The following GALNT13 variants were observed in gnomAD, a reference collection of about 807,000 sequenced individuals.
GALNT13 encodes the protein UDP-GalNAc:polypeptide N-acetylgalactosaminyltransferase 13.
A neutral mutation model predicts 64.2 loss-of-function variants in GALNT13; 28 were observed. The observed-to-expected ratio is 0.44, with a 90% CI of 0.32 to 0.60. The LOEUF is 0.60. Ranked by LOEUF, GALNT13 falls within the 20% of genes least tolerant of loss-of-function variation. GALNT13 has a pLI of 0.05. For missense variants in GALNT13, 577 were observed against 669.8 expected (o/e 0.86, Z 1.53); for synonymous variants, 214 against 224.6 (o/e 0.95, Z 0.42).
At chr2:154,128,363 A>C (rs1199185112) in intron 3 of GALNT13, among the ~76,000 whole-genome samples, 1 of 152,084 alleles carries the variant, frequency 6.6e-6, no homozygotes, top group Non-Finnish European at 1.5e-5. Flanking sequence ...TTTTAATGGC[A>C]TGCTTGCATT....
chr2:153,374,048 G>A, the GALNT13 span, among the ~76,000 whole-genome samples: 54 of 152,292 alleles, frequency 3.5e-4, no homozygotes, highest in African/African-American at 1.3e-3. Context: ...CCTTTTGGCA[G>A]TTGTGAATAA....
At chr2:153,624,823 A>G in the GALNT13 span, among the ~76,000 whole-genome samples, 2 of 150,516 alleles carry the variant, frequency 1.3e-5, no homozygotes, top group East Asian at 3.9e-4. Flanking sequence ...GAAACTGGAA[A>G]ACTGTTTTTA....
chr2:153,089,111 T>C, the GALNT13 span, among the ~76,000 whole-genome samples: 2 of 152,218 alleles, frequency 1.3e-5, no homozygotes, highest in African/African-American at 2.4e-5. Flanking sequence ...TTGGTGTATT[T>C]CAAGGTTTTG....
At chr2:154,326,144 T>C (rs1486111958) in intron 9 of GALNT13, among the ~76,000 whole-genome samples, 2 of 152,094 alleles carry the variant, frequency 1.3e-5, no homozygotes, top group Non-Finnish European at 2.9e-5. Context: ...TTGTGGACAG[T>C]TGAGAAAAAC....
intron 8 of GALNT13, among the ~76,000 whole-genome samples, chr2:154,274,731 A>C (rs2194429): frequency 0.015 from 2,345 of 152,238 alleles, 76 homozygotes; most frequent in Admixed American, 0.072. Flanking sequence ...TATTAGCAGC[A>C]TGAGAATGGA....
intron 3 of GALNT13, among the ~76,000 whole-genome samples, chr2:154,049,970 T>A (rs1699494743): frequency 6.6e-6 from 1 of 152,136 alleles, no homozygotes; most frequent in African/African-American, 2.4e-5. Context: ...CATATCTTCC[T>A]TTCTCAATTG....
At chr2:153,139,550 C>T in the GALNT13 span, among the ~76,000 whole-genome samples, 2 of 152,042 alleles carry the variant, frequency 1.3e-5, no homozygotes, top group Admixed American at 1.3e-4. Flanking sequence ...GAGATGGCAT[C>T]TGAGCACACC....
the GALNT13 span, among the ~76,000 whole-genome samples, chr2:153,811,655 C>A: frequency 6.6e-6 from 1 of 152,186 alleles, no homozygotes; most frequent in Non-Finnish European, 1.5e-5. Context: ...AGAGAAATTG[C>A]AAGCCAAAGC....
At chr2:153,156,352 C>T in the GALNT13 span, among the ~76,000 whole-genome samples, 2 of 152,144 alleles carry the variant, frequency 1.3e-5, no homozygotes, top group Non-Finnish European at 2.9e-5. Flanking sequence ...CTTTCTATTA[C>T]AGGTTTTTCT....
chr2:153,240,519 T>C, the GALNT13 span, among the ~76,000 whole-genome samples: 6 of 152,150 alleles, frequency 3.9e-5, no homozygotes, highest in African/African-American at 1.4e-4. Flanking sequence ...CACTTTGTAC[T>C]GTTGGTCTTG....
chr2:154,324,302 CAATT>C (rs1694771749), intron 9 of GALNT13, among the ~76,000 whole-genome samples: 1 of 151,640 alleles, frequency 6.6e-6, no homozygotes, highest in Non-Finnish European at 1.5e-5. Context: ...TTAATAGTCT[CAATT>C]AAGTCTTGTT....
intron 2 of GALNT13, among the ~76,000 whole-genome samples, chr2:153,917,129 T>TA (rs11405427): frequency 5.0e-5 from 3 of 59,582 alleles, no homozygotes; most frequent in Non-Finnish European, 1.3e-4. Context: ...ATTCTGTGCA[T>TA]TTTTTTTTTG....
At chr2:153,736,113 C>A in the GALNT13 span, among the ~76,000 whole-genome samples, 2 of 152,104 alleles carry the variant, frequency 1.3e-5, no homozygotes, top group Non-Finnish European at 2.9e-5. Flanking sequence ...GATGATGATT[C>A]TTCATTTCCC....
At chr2:154,380,805 C>T (rs1314810838) in intron 9 of GALNT13, among the ~76,000 whole-genome samples, 1 of 151,994 alleles carries the variant, frequency 6.6e-6, no homozygotes, top group African/African-American at 2.4e-5. Context: ...TTGATGGGGG[C>T]TGCAATCTCA....
At chr2:153,368,030 A>C in the GALNT13 span, among the ~76,000 whole-genome samples, 1 of 152,242 alleles carries the variant, frequency 6.6e-6, no homozygotes, top group South Asian at 2.1e-4. Flanking sequence ...AGAGAAAAGC[A>C]AGACCAAATC....
chr2:153,380,289 C>A, the GALNT13 span, among the ~76,000 whole-genome samples: 1 of 152,080 alleles, frequency 6.6e-6, no homozygotes, highest in East Asian at 1.9e-4. Flanking sequence ...GTGTTAGGTA[C>A]TATAAGTAAT....
chr2:154,275,938 G>A (rs1234371140), intron 8 of GALNT13, among the ~76,000 whole-genome samples: 2 of 152,204 alleles, frequency 1.3e-5, no homozygotes, highest in Non-Finnish European at 2.9e-5. Flanking sequence ...TGGAGTCGAA[G>A]AAGATCACTC....
the GALNT13 span, among the ~76,000 whole-genome samples, chr2:153,372,861 A>T: frequency 6.6e-6 from 1 of 152,068 alleles, no homozygotes; most frequent in Non-Finnish European, 1.5e-5. Context: ...TGCTTGAACT[A>T]TCTTTTCTTT....
At chr2:153,506,405 T>C in the GALNT13 span, among the ~76,000 whole-genome samples, 155 of 152,284 alleles carry the variant, frequency 1.0e-3, no homozygotes, top group African/African-American at 3.5e-3. Flanking sequence ...CTGAATACCT[T>C]TTTTTCATTG....
Sources: allele counts gnomAD v4.1 joint callset (sites outside exome capture counted in the v4.1 genomes callset), GRCh38; gene constraint gnomAD v4.1.1; transcripts MANE v1.5; gene names NCBI Gene and HGNC (gene_info 2026-07-23, HGNC 2026-07-21).